Variants in DAB1 observed in about 807,000 individuals in gnomAD.
DAB1 encodes the protein disabled homolog 1.
In DAB1, 15 loss-of-function variants were observed where a neutral mutation model predicts 64.6. The observed-to-expected ratio is 0.23, with a 90% CI of 0.16 to 0.36. DAB1 has a LOEUF of 0.36. Among genes scored for constraint, DAB1 ranks in the 10% least tolerant of loss-of-function variants. The pLI, the probability that DAB1 is intolerant of heterozygous loss-of-function variation, is 1.00. For synonymous variants in DAB1, 235 were observed against 251.9 expected (o/e 0.93, Z 0.64); for missense variants, 596 against 706.7 (o/e 0.84, Z 1.78).
intron 7 of DAB1, among the ~76,000 whole-genome samples, chr1:57,631,580 G>T (rs11207078): frequency 0.75 from 114,474 of 152,194 alleles, 43,998 homozygotes; most frequent in Non-Finnish European, 0.83. Flanking sequence ...TTTGTAAAAT[G>T]TCCCTGATGT....
intron 6 of DAB1, among the ~76,000 whole-genome samples, chr1:57,742,287 C>A (rs1648039468): frequency 6.6e-6 from 1 of 151,724 alleles, no homozygotes; most frequent in South Asian, 2.1e-4. Flanking sequence ...AGATGATGGA[C>A]CATAAAATAA....
intron 6 of DAB1, among the ~76,000 whole-genome samples, chr1:57,726,820 C>G (rs184355172): frequency 4.9e-4 from 75 of 152,330 alleles, no homozygotes; most frequent in African/African-American, 1.8e-3. Flanking sequence ...GCCAAGTTCA[C>G]TGTCTTAGTC....
chr1:58,410,093 T>A (rs1425147352), intron 3 of DAB1, among the ~76,000 whole-genome samples: 1 of 152,146 alleles, frequency 6.6e-6, no homozygotes, highest in Admixed American at 6.5e-5. Context: ...AATTCCTTTA[T>A]CCCAGAGCAA....
chr1:57,462,009 A>C (rs1322514004), intron 7 of DAB1, among the ~76,000 whole-genome samples: 1 of 137,248 alleles, frequency 7.3e-6, no homozygotes, highest in East Asian at 2.1e-4. Flanking sequence ...GCTCGAGTGC[A>C]ATGGCACGAT....
intron 6 of DAB1, among the ~76,000 whole-genome samples, chr1:57,734,474 G>T (rs1647589537): frequency 6.6e-6 from 1 of 152,308 alleles, no homozygotes; most frequent in East Asian, 1.9e-4. Context: ...TTAGCATAAG[G>T]TTTTAGCCAA....
At chr1:57,442,931 T>A (rs138785450) in intron 7 of DAB1, among the ~76,000 whole-genome samples, 3 of 152,352 alleles carry the variant, frequency 2.0e-5, no homozygotes, top group Non-Finnish European at 2.9e-5. Context: ...TAATGTGTCC[T>A]ACCCACCCTT....
chr1:58,052,133 G>A (rs1244304574), intron 5 of DAB1, among the ~76,000 whole-genome samples: 1 of 152,190 alleles, frequency 6.6e-6, no homozygotes, highest in African/African-American at 2.4e-5. Flanking sequence ...CCTATGTCCT[G>A]AATGGTATTG....
chr1:58,279,613 G>T (rs573080541), intron 4 of DAB1, among the ~76,000 whole-genome samples: 1 of 152,146 alleles, frequency 6.6e-6, no homozygotes, highest in African/African-American at 2.4e-5. Flanking sequence ...TCTGAGATTT[G>T]AGCCGAGGGC....
chr1:58,143,310 C>T (rs895444929), intron 5 of DAB1, among the ~76,000 whole-genome samples: 2 of 152,102 alleles, frequency 1.3e-5, no homozygotes, highest in African/African-American at 4.8e-5. Context: ...AGCACCCACT[C>T]AATAATGGAG....
intron 6 of DAB1, among the ~76,000 whole-genome samples, chr1:57,730,853 T>C (rs904193322): frequency 1.3e-5 from 2 of 152,198 alleles, no homozygotes; most frequent in African/African-American, 2.4e-5. Context: ...ATGGAGAAAC[T>C]GGAATTCTGG....
chr1:57,941,594 T>C (rs778004746), intron 5 of DAB1, among the ~76,000 whole-genome samples: 1 of 152,178 alleles, frequency 6.6e-6, no homozygotes, highest in Non-Finnish European at 1.5e-5. Flanking sequence ...CCCAGCACTT[T>C]GGGAGGCCAA....
intron 2 of DAB1, among the ~76,000 whole-genome samples, chr1:57,277,200 G>A (rs1336668232): frequency 6.6e-6 from 1 of 152,080 alleles, no homozygotes; most frequent in Admixed American, 6.6e-5. Context: ...AAGCTACTAT[G>A]GTCAACAAAG....
intron 2 of DAB1, among the ~76,000 whole-genome samples, chr1:57,206,038 A>T (rs779009947): frequency 1.1e-4 from 16 of 152,354 alleles, no homozygotes; most frequent in Admixed American, 9.8e-4. Context: ...ACATTTTTCA[A>T]CAAGTATACA....
At chr1:57,749,619 T>C (rs1405063486) in intron 6 of DAB1, among the ~76,000 whole-genome samples, 1 of 152,152 alleles carries the variant, frequency 6.6e-6, no homozygotes, top group Non-Finnish European at 1.5e-5. Context: ...TAGTGTTACA[T>C]CTTAATTTTA....
At chr1:57,692,296 A>C (rs2101715153) in intron 6 of DAB1, among the ~76,000 whole-genome samples, 1 of 152,242 alleles carries the variant, frequency 6.6e-6, no homozygotes, top group South Asian at 2.1e-4. Context: ...CCACTCCTAG[A>C]AGAATGATTT....
chr1:57,859,607 G>A (rs913322391), intron 1 of DAB1, among the ~76,000 whole-genome samples: 1 of 152,146 alleles, frequency 6.6e-6, no homozygotes, highest in Non-Finnish European at 1.5e-5. Context: ...GCACAATGCT[G>A]TCTAATTCTC....
intron 2 of DAB1, among the ~76,000 whole-genome samples, chr1:57,255,932 A>G (rs1247620756): frequency 6.6e-6 from 1 of 152,226 alleles, no homozygotes; most frequent in Non-Finnish European, 1.5e-5. Flanking sequence ...CAATTTTGAT[A>G]TACTTGCCTT....
At chr1:57,889,910 G>T (rs12409453) in intron 5 of DAB1, among the ~76,000 whole-genome samples, 1 of 112,156 alleles carries the variant, frequency 8.9e-6, no homozygotes, top group Admixed American at 9.8e-5. Flanking sequence ...GGGGGGGGGG[G>T]AGGGGGAAGA....
In DAB1 at chr1:57,145,271, G is replaced by GA; in HGVS notation, c.207+18dup. On this transcript the variant is annotated intron_variant, in intron 3 of 14. Transcript: ENST00000371236. ...CACATTAAACACAAAGTATTGAAAA[G>GA]AAAACGTTTGCATAGCACCTTGAGT... 6.2e-7 allele frequency: 1 copy of GA among 1,612,990 alleles called. No homozygotes were observed. Among genetic ancestry groups the GA allele is most frequent in the Non-Finnish European group, 8.5e-7 (1 of 1,179,210 alleles).
Sources: gnomAD v4.1 joint callset for allele counts (sites outside exome capture counted in the v4.1 genomes callset) on GRCh38, gnomAD v4.1.1 for gene constraint, MANE v1.5 for transcripts, NCBI Gene and HGNC (gene_info 2026-07-23, HGNC 2026-07-21) for gene names.